Variants in SLC22A25 observed in about 807,000 individuals in gnomAD.
SLC22A25 encodes solute carrier family 22 member 25, also known as MGI:2442751, MGI:2385316, MGI:3042283, MGI:3645714, MGI:3605624, MGI:2442750.
Under a neutral mutation model 45.9 loss-of-function variants are expected in SLC22A25, and 44 were observed. The observed-to-expected ratio is 0.96, with a 90% confidence interval of 0.75 to 1.23. SLC22A25 has a LOEUF of 1.23. SLC22A25 is among the 50% of genes most tolerant of loss of function. SLC22A25 has a pLI of 0.00. For missense variants in SLC22A25, 800 were observed against 666.4 expected, an observed-to-expected ratio of 1.20 and a Z score of -2.21; for synonymous variants, 283 against 238.6, an observed-to-expected ratio of 1.19 and a Z score of -1.72.
At chr11:63,217,817 C>G in intron 5 of SLC22A25, 82 bp from the exon 6 acceptor site, 1 of 1,474,732 alleles carries the variant, frequency 6.8e-7, no homozygotes, top group East Asian at 2.3e-5. Flanking sequence ...CACTTTGAAA[C>G]TTAAAGGATG....
chr11:63,192,833 A>C (rs2088864862), intron 7 of SLC22A25, among the ~76,000 whole-genome samples: 1 of 152,228 alleles, frequency 6.6e-6, no homozygotes, highest in Admixed American at 6.5e-5. Context: ...CCAAATTCAT[A>C]AAGCAAGTTC....
intron 9 of SLC22A25, among the ~76,000 whole-genome samples, chr11:63,176,703 T>C (rs954876380): frequency 6.6e-6 from 1 of 152,066 alleles, no homozygotes; most frequent in Non-Finnish European, 1.5e-5. Context: ...AATCTGTTTT[T>C]CTTCCCTAAC....
At chr11:63,215,907 T>TAC (rs2089697034) in intron 7 of SLC22A25, among the ~76,000 whole-genome samples, 1 of 152,216 alleles carries the variant, frequency 6.6e-6, no homozygotes, top group Non-Finnish European at 1.5e-5. Context: ...CTAAGGATGA[T>TAC]ACCCTCCAGC....
In SLC22A25 at chr11:63,180,724, A is replaced by T; in HGVS notation, c.1006T>A (p.Ser336Thr). ...GGTATGCGGAGCAATTCACAAAGAG[A>T]ATGCTTTTTCTGTGCTGCCTCCAGT... ...QELEAAQKKH[S>T]LCELLRIPNI... Residue 336 changes from serine (S) to threonine (T), a missense_variant, in exon 9 of 12, where the codon TCT becomes ACT. Coordinates refer to ENST00000306494, the MANE Select transcript of SLC22A25 (RefSeq NM_199352.6). 6.2e-7 allele frequency: 1 copy of T among 1,613,252 alleles called. No homozygotes were observed.
At chr11:63,176,701 T>C (rs924280614) in intron 9 of SLC22A25, among the ~76,000 whole-genome samples, 2 of 152,046 alleles carry the variant, frequency 1.3e-5, no homozygotes, top group Non-Finnish European at 2.9e-5. Context: ...TTAATCTGTT[T>C]TTCTTCCCTA....
chr11:63,223,101 G>T (rs1472924547), intron 5 of SLC22A25, among the ~76,000 whole-genome samples: 1 of 151,700 alleles, frequency 6.6e-6, no homozygotes, highest in Non-Finnish European at 1.5e-5. Context: ...TTTTTGAGGT[G>T]TCTTTGTCTG....
rs576180419 is a variant in SLC22A25, at chr11:63,204,401, A to G, written c.830+12913T>C. On this transcript the variant is annotated intron_variant, in intron 7 of 11. Coordinates refer to ENST00000306494, the MANE Select transcript of SLC22A25 (RefSeq NM_199352.6). ...GAGTCAAGACCCATCTGTGTGCTGT[A>G]TTCAGGAGATCCATCTCACATGCAA... 2.0e-5 allele frequency among the ~76,000 whole-genome samples: 3 copies of G among 152,352 alleles called. No individual in the cohort carries two copies. The South Asian group carries it at 6.2e-4, about 32-fold the overall frequency.
rs1261749724 is a variant in SLC22A25, at chr11:63,164,057, T to G, written c.1411A>C (p.Ile471Leu). Residue 471 changes from isoleucine to leucine, a missense_variant, in exon 12 of 12, where the codon ATC becomes CTC. Ile to Leu is a conservative substitution (Grantham distance 5). Coordinates refer to ENST00000306494, the MANE Select transcript of SLC22A25 (RefSeq NM_199352.6). ...CCAATATTAGCAAAGTTTCCAGTGATTCCAGTAGCTCTTCCCCTTGGAGTA... is the reference window on the plus strand; with the variant it reads ...CCAATATTAGCAAAGTTTCCAGTGAGTCCAGTAGCTCTTCCCCTTGGAGTA... ...PSIIRGRATG[I>L]TGNFANIGGA... is the part of the protein sequence containing the mutation. 1 of 1,601,310 alleles carries G rather than the reference T, an allele frequency of 6.2e-7. No homozygotes were observed. Among genetic ancestry groups the G allele is most frequent in the Admixed American group, 1.7e-5 (1 of 58,194 alleles).
At chr11:63,236,085 T>TCAGG (rs2090157770) in intron 3 of SLC22A25, among the ~76,000 whole-genome samples, 1 of 152,026 alleles carries the variant, frequency 6.6e-6, no homozygotes, top group Non-Finnish European at 1.5e-5. Flanking sequence ...GGCTACTTGG[T>TCAGG]GTTCAGGGAC....
Position 63,238,007 on chromosome 11 carries a change from G to T in SLC22A25, c.-571C>A, listed in dbSNP as rs901485440. The T allele has an allele frequency of 7.2e-5, 11 of 152,224 alleles. No homozygotes were observed. Among genetic ancestry groups the T allele is most frequent in the African/African-American group, 2.4e-4 (10 of 41,398 alleles). The allele number at this position is 152,224 out of a possible 1,614,324, so 9.4% of individuals were successfully genotyped here. On this transcript the variant is annotated 5_prime_UTR_variant, in exon 3 of 12. Transcript: ENST00000306494. ...TCAGTGACTGAGATCCACATACCAGGTCCCACTAGAAGAAATAAAAACCAG... is the reference window on the plus strand; with the variant it reads ...TCAGTGACTGAGATCCACATACCAGTTCCCACTAGAAGAAATAAAAACCAG...
intron 3 of SLC22A25, among the ~76,000 whole-genome samples, chr11:63,230,406 G>C (rs1038192527): frequency 3.3e-5 from 5 of 152,180 alleles, no homozygotes; most frequent in Admixed American, 3.3e-4. Context: ...TTCTGTGTCA[G>C]TATCTTGAAT....
In SLC22A25 at chr11:63,162,559, A is replaced by T. The variant is rs1056767039; in HGVS notation, c.*1265T>A. Among the ~76,000 whole-genome samples, 3 of 151,892 alleles carry T rather than the reference A, an allele frequency of 2.0e-5. No individual in the cohort carries two copies. ...AAAATGAGGTTTTTCCACTTTTTTC[A>T]TTTTTTACATTGTAATTATTTAAGC... On this transcript the variant is annotated 3_prime_UTR_variant, in exon 12 of 12. Transcript: ENST00000306494.
chr11:63,201,431 G>T (rs551946165), intron 7 of SLC22A25, among the ~76,000 whole-genome samples: 2 of 152,144 alleles, frequency 1.3e-5, no homozygotes, highest in Non-Finnish European at 2.9e-5. Flanking sequence ...TCAATAAATG[G>T]TGCTATGATA....
intron 9 of SLC22A25, among the ~76,000 whole-genome samples, chr11:63,178,192 A>T (rs1433228852): frequency 6.6e-6 from 1 of 151,906 alleles, no homozygotes; most frequent in Admixed American, 6.6e-5. Context: ...CGCCCTGCCA[A>T]TATACCCCAT....
chr11:63,196,140 C>A (rs1418945234), intron 7 of SLC22A25, among the ~76,000 whole-genome samples: 1 of 152,128 alleles, frequency 6.6e-6, no homozygotes, highest in Non-Finnish European at 1.5e-5. Flanking sequence ...AAGTCCAGGA[C>A]CAGACTGATT....
chr11:63,201,769 G>A (rs910797176), intron 7 of SLC22A25, among the ~76,000 whole-genome samples: 1 of 151,880 alleles, frequency 6.6e-6, no homozygotes, highest in Admixed American at 6.6e-5. Flanking sequence ...TCCAATAAAG[G>A]TCTGATATTC....
At chr11:63,165,921 T>C in intron 10 of SLC22A25, 123 bp downstream of exon 10, 1 of 1,246,106 alleles carries the variant, frequency 8.0e-7, no homozygotes. Context: ...CCCAGATTTC[T>C]ATCAGGGAAT....
Position 63,180,583 on chromosome 11 carries a change from T to C in SLC22A25, c.1070+77A>G. On this transcript the variant is annotated intron_variant, in intron 9 of 11. Coordinates refer to ENST00000306494, the MANE Select transcript of SLC22A25 (RefSeq NM_199352.6). ...ATCCCCCAAATATTTTCCTTCAACA[T>C]GTTGTATCATTTGAAATAAGAAATG... The C allele has an allele frequency of 2.9e-6, 3 of 1,022,908 alleles. No homozygotes were observed. The South Asian group carries it at 5.3e-5, about 18-fold the overall frequency. 63.4% of individuals were successfully genotyped at this position (1,022,908 alleles called of 1,614,324 possible).
chr11:63,226,451 A>T (rs1256143175), intron 5 of SLC22A25, among the ~76,000 whole-genome samples: 8 of 152,226 alleles, frequency 5.3e-5, no homozygotes, highest in Non-Finnish European at 1.0e-4. Context: ...TTGGACCAGC[A>T]GGCAGAGACT....
Sources: allele counts gnomAD v4.1 joint callset (sites outside exome capture counted in the v4.1 genomes callset), GRCh38; gene constraint gnomAD v4.1.1; transcripts MANE v1.5; gene names NCBI Gene and HGNC (gene_info 2026-07-23, HGNC 2026-07-21).